ITCH: variants seen among roughly 807,000 people sequenced by gnomAD.
ITCH encodes E3 ubiquitin-protein ligase Itchy homolog.
A neutral mutation model predicts 126.8 loss-of-function variants in ITCH; 28 were observed. The observed-to-expected ratio is 0.22, with a 90% CI of 0.16 to 0.30. The LOEUF (loss-of-function observed/expected upper bound fraction) is 0.30, where lower values mean the gene tolerates loss of function less well. Among genes scored for constraint, ITCH ranks in the 10% least tolerant of loss-of-function variants. The pLI, the probability that ITCH is intolerant of heterozygous loss-of-function variation, is 1.00. For missense variants in ITCH, 631 were observed against 1,032.4 expected (o/e 0.61, Z 5.33); for synonymous variants, 342 against 340.0 (o/e 1.01, Z -0.06).
chr20:34,485,993 CT>C (rs1989078395), intron 20 of ITCH, among the ~76,000 whole-genome samples: 1 of 152,102 alleles, frequency 6.6e-6, no homozygotes. Flanking sequence ...CTAAGTATTT[CT>C]TTAGCTATAT....
At chr20:34,455,474 A>ATT (rs1199707564) in intron 12 of ITCH, among the ~76,000 whole-genome samples, 3 of 139,090 alleles carry the variant, frequency 2.2e-5, no homozygotes, top group Non-Finnish European at 4.7e-5. Context: ...TGATATCCAC[A>ATT]TTTTTTTTTT....
At chr20:34,486,734 G>A (rs1029370092) in intron 20 of ITCH, among the ~76,000 whole-genome samples, 5 of 151,200 alleles carry the variant, frequency 3.3e-5, no homozygotes, top group African/African-American at 4.9e-5. Flanking sequence ...GTCTCACTTT[G>A]TCACCCAGGC....
intron 10 of ITCH, among the ~76,000 whole-genome samples, chr20:34,444,623 C>A (rs1477338216): frequency 2.0e-5 from 3 of 151,918 alleles, no homozygotes; most frequent in African/African-American, 7.3e-5. Flanking sequence ...TGTGTTCTTG[C>A]GAAAAATTGT....
intron 4 of ITCH, among the ~76,000 whole-genome samples, chr20:34,412,239 A>G (rs1979141517): frequency 6.6e-6 from 1 of 152,248 alleles, no homozygotes; most frequent in Admixed American, 6.5e-5. Context: ...TAGTTTTCCA[A>G]TAGTTTGTTG....
At chr20:34,499,272 CTTTTTT>C (rs386393666) in intron 23 of ITCH, among the ~76,000 whole-genome samples, 12 of 23,020 alleles carry the variant, frequency 5.2e-4, no homozygotes, top group African/African-American at 1.7e-3. Context: ...CTGTGCCCAG[CTTTTTT>C]TTTTTTTTTT....
intron 12 of ITCH, among the ~76,000 whole-genome samples, chr20:34,453,104 T>C (rs1001348358): frequency 4.6e-5 from 7 of 152,238 alleles, no homozygotes; most frequent in African/African-American, 1.4e-4. Context: ...TTGTTTATTA[T>C]GTGATTTTTC....
chr20:34,403,258 T>G (rs2038947460), intron 3 of ITCH, among the ~76,000 whole-genome samples: 1 of 152,190 alleles, frequency 6.6e-6, no homozygotes, highest in South Asian at 2.1e-4. Context: ...TTTTTTTGTA[T>G]GTGTATTGTA....
rs1274412435 is a variant in ITCH at position 34,503,889 on chromosome 20, T to TG, written c.2417-442_2417-441insG. 3.2e-4 allele frequency among the ~76,000 whole-genome samples: 46 copies of TG among 145,242 alleles called. 2 individuals carry two copies. Among genetic ancestry groups the TG allele is most frequent in the Admixed American group, 1.6e-3 (23 of 14,694 alleles). ...TTTTTGGTTTTTTTTTTTTTGGTTT[T>TG]TTTTTTTTTTGAGATAGGGTCTCGT... On this transcript the variant is annotated intron_variant, in intron 23 of 24. Coordinates refer to ENST00000374864, the MANE Select transcript of ITCH (RefSeq NM_031483.7).
chr20:34,447,711 T>C (rs2146315018), intron 11 of ITCH, among the ~76,000 whole-genome samples: 1 of 152,322 alleles, frequency 6.6e-6, no homozygotes, highest in East Asian at 1.9e-4. Context: ...TTTTGTAGTG[T>C]TTCCCGCTGG....
At chr20:34,373,525 C>T (rs2037720637) in intron 2 of ITCH, among the ~76,000 whole-genome samples, 1 of 152,152 alleles carries the variant, frequency 6.6e-6, no homozygotes, top group African/African-American at 2.4e-5. Flanking sequence ...ATCCGCCTGC[C>T]TTGGCCTCCC....
intron 3 of ITCH, among the ~76,000 whole-genome samples, chr20:34,405,373 C>T (rs943182065): frequency 2.0e-5 from 3 of 152,126 alleles, no homozygotes; most frequent in South Asian, 2.1e-4. Context: ...GGTGTGGCGG[C>T]GCGTGCCTAT....
At chr20:34,383,938 G>T (rs2038167306) in intron 2 of ITCH, among the ~76,000 whole-genome samples, 1 of 145,714 alleles carries the variant, frequency 6.9e-6, no homozygotes, top group Admixed American at 7.2e-5. Context: ...TCTGCCTCCT[G>T]GGTTCAAGCT....
At chr20:34,425,267 G>A (rs1050561581) in intron 7 of ITCH, among the ~76,000 whole-genome samples, 1 of 152,128 alleles carries the variant, frequency 6.6e-6, no homozygotes, top group Non-Finnish European at 1.5e-5. Flanking sequence ...CTCCATTCTC[G>A]ATTAACCACG....
At chr20:34,476,485 CG>C in intron 16 of ITCH, 1 of 1,210,096 alleles carries the variant, frequency 8.3e-7, no homozygotes, top group Non-Finnish European at 1.0e-6. Flanking sequence ...CGCCCGCGGT[CG>C]GGAACTCAAA....
intron 13 of ITCH, among the ~76,000 whole-genome samples, chr20:34,461,514 G>C (rs568804968): frequency 6.6e-6 from 1 of 152,128 alleles, no homozygotes; most frequent in South Asian, 2.1e-4. Flanking sequence ...TTCAAACCCA[G>C]CCTGGCCAAC....
intron 3 of ITCH, among the ~76,000 whole-genome samples, chr20:34,406,471 C>T (rs541632994): frequency 3.3e-5 from 5 of 152,046 alleles, no homozygotes; most frequent in Non-Finnish European, 7.4e-5. Flanking sequence ...AGTTTCAGGG[C>T]CACCACCTGG....
intron 3 of ITCH, among the ~76,000 whole-genome samples, chr20:34,398,920 C>T (rs1568891969): frequency 6.6e-6 from 1 of 152,126 alleles, no homozygotes; most frequent in Non-Finnish European, 1.5e-5. Flanking sequence ...CTTCATAATT[C>T]ATTGAGTTAC....
At chr20:34,471,536 T>C (rs771213179) in intron 16 of ITCH, 21 bp downstream of exon 16, 39 of 1,464,196 alleles carry the variant, frequency 2.7e-5, no homozygotes, top group Non-Finnish European at 3.6e-5. Flanking sequence ...ATTCTCTCAA[T>C]AATTTCCCCC....
chr20:34,402,134 C>G (rs2038908428), intron 3 of ITCH: 5 of 1,007,248 alleles, frequency 5.0e-6, no homozygotes, highest in Non-Finnish European at 7.9e-6. Flanking sequence ...AGAAAGGGCT[C>G]TGGAGAGATG....
Sources: gnomAD v4.1 joint callset for allele counts (sites outside exome capture counted in the v4.1 genomes callset) on GRCh38, gnomAD v4.1.1 for gene constraint, MANE v1.5 for transcripts, NCBI Gene and HGNC (gene_info 2026-07-23, HGNC 2026-07-21) for gene names.